The following TRIM24 variants were observed in gnomAD, a reference collection of about 807,000 sequenced individuals.
The protein encoded by TRIM24 is tripartite motif containing 24, also known as transcription intermediary factor 1-alpha.
TRIM24 carries 29 observed loss-of-function variants against 123.9 expected under a neutral mutation model. The observed-to-expected ratio is 0.23, with a 90% CI of 0.17 to 0.32. TRIM24 has a LOEUF of 0.32. Among genes scored for constraint, TRIM24 ranks in the 10% least tolerant of loss-of-function variants. The pLI is 1.00. For synonymous variants in TRIM24, 456 were observed against 461.1 expected, an observed-to-expected ratio of 0.99 and a Z score of 0.14; for missense variants, 932 against 1,295.3, an observed-to-expected ratio of 0.72 and a Z score of 4.31.
intron 4 of TRIM24, among the ~76,000 whole-genome samples, chr7:138,523,336 C>A (rs909447842): frequency 6.6e-6 from 1 of 152,204 alleles, no homozygotes; most frequent in African/African-American, 2.4e-5. Context: ...TTTAACAAAA[C>A]TTTTGCTAAA....
At chr7:138,493,971 TG>T (rs769753323) in intron 1 of TRIM24, among the ~76,000 whole-genome samples, 1 of 152,188 alleles carries the variant, frequency 6.6e-6, no homozygotes, top group East Asian at 1.9e-4. Flanking sequence ...TTGTTGTTGT[TG>T]TTGTTGTTAT....
chr7:138,503,185 C>G (rs553590194), intron 1 of TRIM24, among the ~76,000 whole-genome samples: 181 of 152,062 alleles, frequency 1.2e-3, no homozygotes, highest in African/African-American at 4.2e-3. Flanking sequence ...ATTGTTACAG[C>G]TTTATAGTAG....
At chr7:138,551,020 A>C in intron 7 of TRIM24, 43 bp from the exon 8 acceptor site, 1 of 1,528,278 alleles carries the variant, frequency 6.5e-7, no homozygotes, top group Non-Finnish European at 9.1e-7. Context: ...GCGCTTAATA[A>C]ATTATTTGCC....
chr7:138,484,260 C>T (rs1336647419), intron 1 of TRIM24, among the ~76,000 whole-genome samples: 2 of 151,966 alleles, frequency 1.3e-5, no homozygotes, highest in African/African-American at 2.4e-5. Flanking sequence ...CAGGCATGTG[C>T]CACCATGCCT....
At chr7:138,501,213 T>G (rs1371773285) in intron 1 of TRIM24, among the ~76,000 whole-genome samples, 1 of 152,148 alleles carries the variant, frequency 6.6e-6, no homozygotes, top group African/African-American at 2.4e-5. Flanking sequence ...TGATAGGAAT[T>G]TTCCAGCTCC....
At position 138,529,115 on chromosome 7, in the gene TRIM24, G is replaced by T; in HGVS notation, c.882-1G>T. On this transcript the variant is annotated splice_acceptor_variant, in intron 5 of 18. Coordinates refer to ENST00000343526, the MANE Select transcript of TRIM24 (RefSeq NM_015905.3). LOFTEE classifies it high-confidence loss of function. ...ATGTTTTTCCCCGTTTTAATTTTCA[G>T]AATTATTGAAGTAAATCAAAATCAA... is the stretch of plus-strand genomic sequence containing the variant. 6.6e-7 allele frequency: 1 copy of T among 1,514,538 alleles called. No homozygotes were observed. Among genetic ancestry groups the T allele is most frequent in the Non-Finnish European group, 8.9e-7 (1 of 1,125,894 alleles). The allele number at this position is 1,514,538 out of a possible 1,614,324, so 93.8% of individuals were successfully genotyped here.
At chr7:138,490,154 G>C (rs1474625439) in intron 1 of TRIM24, among the ~76,000 whole-genome samples, 1 of 152,030 alleles carries the variant, frequency 6.6e-6, no homozygotes, top group Non-Finnish European at 1.5e-5. Flanking sequence ...GGCTACTGAA[G>C]CTTGTGCATG....
chr7:138,564,343 T>C (rs1018108445), intron 9 of TRIM24, among the ~76,000 whole-genome samples: 2 of 152,192 alleles, frequency 1.3e-5, no homozygotes, highest in African/African-American at 4.8e-5. Flanking sequence ...ATCTTTCCTT[T>C]TGGGGTGAGT....
intron 1 of TRIM24, among the ~76,000 whole-genome samples, chr7:138,501,288 G>A (rs1796033581): frequency 6.6e-6 from 1 of 152,022 alleles, no homozygotes; most frequent in African/African-American, 2.4e-5. Context: ...GGAGTGCAGT[G>A]GCACGATCTC....
intron 11 of TRIM24, 26 bp from the exon 12 acceptor site, chr7:138,573,481 C>T: frequency 7.3e-6 from 11 of 1,509,880 alleles, no homozygotes; most frequent in East Asian, 2.4e-5. Flanking sequence ...ATCAGAATGC[C>T]CTGAAATAAT....
chr7:138,571,105 A>C, intron 11 of TRIM24, 102 bp downstream of exon 11: 1 of 1,181,656 alleles, frequency 8.5e-7, no homozygotes, highest in Non-Finnish European at 1.2e-6. Context: ...TGAGGCAGAC[A>C]GATTACTTGA....
At chr7:138,529,407 T>C (rs1164812504) in intron 6 of TRIM24, among the ~76,000 whole-genome samples, 177 bp downstream of exon 6, 1 of 152,206 alleles carries the variant, frequency 6.6e-6, no homozygotes, top group Non-Finnish European at 1.5e-5. Context: ...TTTAAAGCTT[T>C]ATAATACGCT....
intron 1 of TRIM24, among the ~76,000 whole-genome samples, chr7:138,492,298 A>AG (rs1554434156): frequency 8.1e-5 from 12 of 148,878 alleles, no homozygotes; most frequent in Admixed American, 1.3e-4. Flanking sequence ...AAAAAAAAAA[A>AG]GGGAAAGAAA....
chr7:138,584,421 T>G (rs1797970202), intron 18 of TRIM24, among the ~76,000 whole-genome samples: 1 of 152,242 alleles, frequency 6.6e-6, no homozygotes, highest in Non-Finnish European at 1.5e-5. Context: ...TTACTCATTC[T>G]AATAGTACTA....
At chr7:138,481,114 T>G (rs942216106) in intron 1 of TRIM24, among the ~76,000 whole-genome samples, 3 of 152,172 alleles carry the variant, frequency 2.0e-5, no homozygotes, top group Admixed American at 6.5e-5. Flanking sequence ...TGCCTCAGCC[T>G]CCCGAGTAGT....
At position 138,504,451 on chromosome 7, in the gene TRIM24, T is replaced by G. The variant is rs1340804617; in HGVS notation, c.483+43T>G. 43 of 777,244 alleles carry G rather than the reference T, an allele frequency of 5.5e-5. 1 individual carries two copies. Among genetic ancestry groups the G allele is most frequent in the Non-Finnish European group, 5.6e-5 (31 of 553,396 alleles). 48.1% of individuals were successfully genotyped at this position (777,244 alleles called of 1,614,324 possible). The stretch of plus-strand genomic sequence containing the variant: ...TGAACCTTTTGCCTGCCAGCTCTTT[T>G]TTTTTTTTTTTTTTTTTTTTTTGAG... On this transcript the variant is annotated intron_variant, in intron 2 of 18. Transcript: ENST00000343526.
intron 7 of TRIM24, among the ~76,000 whole-genome samples, chr7:138,542,445 G>A (rs944881330): frequency 2.0e-5 from 3 of 152,166 alleles, no homozygotes; most frequent in African/African-American, 7.2e-5. Context: ...CATGGGTGTG[G>A]TTTGTGGTGT....
At chr7:138,584,076 A>G (rs1797962744) in intron 18 of TRIM24, 77 bp downstream of exon 18, 1 of 1,466,778 alleles carries the variant, frequency 6.8e-7, no homozygotes, top group South Asian at 1.4e-5. Context: ...CCTTGTCAAC[A>G]TAGGAGACCA....
chr7:138,572,859 A>G (rs950298076), intron 11 of TRIM24, among the ~76,000 whole-genome samples: 1 of 152,234 alleles, frequency 6.6e-6, no homozygotes, highest in African/African-American at 2.4e-5. Context: ...CTGGCAATGA[A>G]TAAGGAAAAG....
Sources: gnomAD v4.1 joint callset for allele counts (sites outside exome capture counted in the v4.1 genomes callset) on GRCh38, gnomAD v4.1.1 for gene constraint, MANE v1.5 for transcripts, NCBI Gene and HGNC (gene_info 2026-07-23, HGNC 2026-07-21) for gene names.